The following OSBPL10 variants were observed in gnomAD, a reference collection of about 807,000 sequenced individuals.
OSBPL10 encodes the protein oxysterol-binding protein-related protein 10.
OSBPL10 carries 49 observed loss-of-function variants against 81.7 expected under a neutral mutation model. The ratio of observed to expected loss-of-function variants is 0.60; its 90% CI spans 0.48 to 0.76. The LOEUF (loss-of-function observed/expected upper bound fraction) is 0.76. Ranked by LOEUF, OSBPL10 falls within the 30% of genes least tolerant of loss-of-function variation. The pLI, the probability that OSBPL10 is intolerant of heterozygous loss-of-function variation, is 0.00. For synonymous variants in OSBPL10, 419 were observed against 383.6 expected (o/e 1.09, Z -1.08); for missense variants, 923 against 987.8 (o/e 0.93, Z 0.88).
intron 2 of OSBPL10, among the ~76,000 whole-genome samples, chr3:32,018,826 A>T (rs763825649): frequency 7.2e-5 from 11 of 152,208 alleles, no homozygotes; most frequent in Non-Finnish European, 1.2e-4. Flanking sequence ...GTGTGATCAC[A>T]CTGGAAATAA....
intron 3 of OSBPL10, among the ~76,000 whole-genome samples, chr3:31,871,395 G>T (rs937518604): frequency 2.0e-5 from 3 of 151,990 alleles, no homozygotes; most frequent in African/African-American, 7.3e-5. Context: ...AAGAAACTCC[G>T]AACACATCCA....
intron 4 of OSBPL10, among the ~76,000 whole-genome samples, chr3:31,813,202 T>G (rs1175745694): frequency 6.6e-6 from 1 of 152,204 alleles, no homozygotes; most frequent in South Asian, 2.1e-4. Context: ...TCTTACAGTG[T>G]CTTTTCCATG....
At chr3:31,899,161 C>T (rs938878427) in intron 1 of OSBPL10, among the ~76,000 whole-genome samples, 6 of 151,858 alleles carry the variant, frequency 4.0e-5, no homozygotes, top group Non-Finnish European at 7.4e-5. Flanking sequence ...AGGCTGCTCT[C>T]GAACTCCTGA....
intron 4 of OSBPL10, among the ~76,000 whole-genome samples, chr3:31,780,748 G>A (rs1698670604): frequency 6.6e-6 from 1 of 152,070 alleles, no homozygotes; most frequent in South Asian, 2.1e-4. Flanking sequence ...AGCTCTCCTG[G>A]ATTAAATTAG....
chr3:32,005,225 C>T (rs1461954535), intron 2 of OSBPL10, among the ~76,000 whole-genome samples: 1 of 152,140 alleles, frequency 6.6e-6, no homozygotes, highest in Non-Finnish European at 1.5e-5. Flanking sequence ...TCTCCCTCCC[C>T]TTGCCCCCTA....
chr3:31,762,630 A>AATTTTTTTTTTTTTT (rs1698079634), intron 4 of OSBPL10, among the ~76,000 whole-genome samples: 2 of 61,514 alleles, frequency 3.3e-5, no homozygotes, highest in Non-Finnish European at 5.3e-5. Flanking sequence ...CATGCCCAGC[A>AATTTTTTTTTTTTTT]TTTTTTTTTT....
chr3:31,664,512 T>G (rs965156442), intron 10 of OSBPL10: 2 of 544,616 alleles, frequency 3.7e-6, no homozygotes, highest in African/African-American at 3.8e-5. Flanking sequence ...TAGTTGGCAT[T>G]CTGCTACTAC....
chr3:31,869,630 C>A (rs1287736512), intron 3 of OSBPL10, among the ~76,000 whole-genome samples: 1 of 152,046 alleles, frequency 6.6e-6, no homozygotes, highest in Non-Finnish European at 1.5e-5. Context: ...GGGGGTGAAC[C>A]TTTCTATTCA....
chr3:31,873,947 G>C (rs528610711), intron 3 of OSBPL10, among the ~76,000 whole-genome samples: 2 of 152,088 alleles, frequency 1.3e-5, no homozygotes, highest in Non-Finnish European at 2.9e-5. Flanking sequence ...TAAATGAGTG[G>C]TAATAGCACT....
chr3:32,038,279 A>G (rs576640530), intron 2 of OSBPL10, among the ~76,000 whole-genome samples: 1 of 152,344 alleles, frequency 6.6e-6, no homozygotes, highest in South Asian at 2.1e-4. Context: ...ACCACATGAT[A>G]TAACAGGATT....
chr3:31,744,521 G>A (rs1317619770), intron 5 of OSBPL10, among the ~76,000 whole-genome samples: 3 of 119,758 alleles, frequency 2.5e-5, no homozygotes, highest in African/African-American at 9.1e-5. Context: ...CTGGGTGATA[G>A]AGCGAGACTC....
intron 1 of OSBPL10, among the ~76,000 whole-genome samples, chr3:32,054,576 G>C (rs961468248): frequency 2.6e-5 from 3 of 114,784 alleles, no homozygotes; most frequent in African/African-American, 9.6e-5. Context: ...CTGTCACCCA[G>C]GCTGGAGTGC....
chr3:31,778,201 C>G (rs142391313), intron 4 of OSBPL10, among the ~76,000 whole-genome samples: 1 of 152,206 alleles, frequency 6.6e-6, no homozygotes, highest in South Asian at 2.1e-4. Flanking sequence ...GCAAGACTGG[C>G]CTTGCCAACT....
chr3:32,076,834 A>G (rs1451203321), intron 1 of OSBPL10, among the ~76,000 whole-genome samples: 1 of 151,934 alleles, frequency 6.6e-6, no homozygotes, highest in African/African-American at 2.4e-5. Flanking sequence ...GGCTGAGTCA[A>G]TTCCTGGGTT....
chr3:31,705,954 G>A (rs1033718970), intron 6 of OSBPL10, among the ~76,000 whole-genome samples: 4 of 151,940 alleles, frequency 2.6e-5, no homozygotes, highest in Non-Finnish European at 5.9e-5. Context: ...AGAGATTTTT[G>A]CAAATGAGCC....
At chr3:31,702,603 C>T (rs747069561) in intron 6 of OSBPL10, 95 bp from the exon 7 acceptor site, 50 of 1,520,612 alleles carry the variant, frequency 3.3e-5, no homozygotes, top group Non-Finnish European at 3.9e-5. Context: ...ACAGAAGAAA[C>T]CCAATCCTGT....
At chr3:31,874,730 A>G (rs1701407748) in intron 3 of OSBPL10, among the ~76,000 whole-genome samples, 1 of 152,202 alleles carries the variant, frequency 6.6e-6, no homozygotes, top group African/African-American at 2.4e-5. Context: ...AGAGGGGGAA[A>G]CAAACTCTTA....
chr3:31,717,427 C>T (rs1365916431), intron 6 of OSBPL10, among the ~76,000 whole-genome samples: 3 of 152,100 alleles, frequency 2.0e-5, no homozygotes, highest in African/African-American at 7.2e-5. Flanking sequence ...ACGCCTATTC[C>T]GTCCTGATTT....
chr3:31,837,267 C>A (rs1023876688), intron 3 of OSBPL10, among the ~76,000 whole-genome samples: 1 of 147,150 alleles, frequency 6.8e-6, no homozygotes, highest in African/African-American at 2.5e-5. Context: ...ACACAACACA[C>A]CTCTGAAAGT....
Sources: allele counts gnomAD v4.1 joint callset (sites outside exome capture counted in the v4.1 genomes callset), GRCh38; gene constraint gnomAD v4.1.1; transcripts MANE v1.5; gene names NCBI Gene and HGNC (gene_info 2026-07-23, HGNC 2026-07-21).